Variants in PPP1CB observed in about 807,000 individuals in gnomAD.
PPP1CB encodes protein phosphatase 1 catalytic subunit beta.
A neutral mutation model predicts 43.7 loss-of-function variants in PPP1CB; 2 were observed. That is an observed-to-expected ratio of 0.05 (90% CI 0.02 to 0.14). The LOEUF is 0.14. Among genes scored for constraint, PPP1CB ranks in the 10% least tolerant of loss-of-function variants. The probability of loss-of-function intolerance (pLI) is 1.00; values close to 1 mark genes in which losing one functional copy is unlikely to be tolerated. For missense variants in PPP1CB, 84 were observed against 398.0 expected (o/e 0.21, Z 6.71); for synonymous variants, 136 against 135.6 (o/e 1.00, Z -0.02).
intron 1 of PPP1CB, among the ~76,000 whole-genome samples, chr2:28,752,646 A>G (rs1011929803): frequency 2.0e-5 from 3 of 152,018 alleles, no homozygotes; most frequent in South Asian, 2.1e-4. Flanking sequence ...AATTTTACGT[A>G]TATATATATA....
rs1667584240 is a variant in PPP1CB at position 28,800,227 on chromosome 2, T to TTTTTTTTTTTTTTTTTTTTTTTC, written c.*946_*947insCTTTTTTTTTTTTTTTTTTTTTT. On this transcript the variant is annotated 3_prime_UTR_variant, in exon 8 of 8. Transcript: ENST00000395366. ...TGGTTTTCTTTTTCTTTTTTCTTTCTTTTTTTTTTTTTTTTTTTTTTTGAG... is the reference window on the plus strand; with the variant it reads ...TGGTTTTCTTTTTCTTTTTTCTTTCTTTTTTTTTTTTTTTTTTTTTTTCTTTTTTTTTTTTTTTTTTTTTTGAG... The TTTTTTTTTTTTTTTTTTTTTTTC allele has an allele frequency of 2.9e-4, 1 of 3,464 alleles. No homozygotes were observed. The highest frequency in any genetic ancestry group is 7.2e-4 in the African/African-American group (1 of 1,388). The allele number at this position is 3,464 out of a possible 1,614,324, so 0.2% of individuals were successfully genotyped here.
rs142135400 is a variant in PPP1CB at position 28,759,239 on chromosome 2, C to T, written c.52+7063C>T. On this transcript the variant is annotated intron_variant, in intron 1 of 7. Coordinates refer to ENST00000395366, the MANE Select transcript of PPP1CB (RefSeq NM_002709.3). ...AGTTGTGTAAAAGTACAACAGGCCA[C>T]GCGTGGTGGCTCATGCCTGTAGTCC... 1.4e-3 allele frequency among the ~76,000 whole-genome samples: 218 copies of T among 152,220 alleles called. 1 individual carries two copies. In the East Asian group the frequency reaches 0.037, roughly 26 times the overall value.
In PPP1CB at chr2:28,755,168, G is replaced by C. The variant is rs975848297; in HGVS notation, c.52+2992G>C. On this transcript the variant is annotated intron_variant, in intron 1 of 7. Transcript: ENST00000395366. ...AGGTCCAAGCGATTATTCTGCCTCA[G>C]CTTCCCAAGTAGCTGGGACTACAGC... 5.3e-5 allele frequency among the ~76,000 whole-genome samples: 8 copies of C among 152,110 alleles called. No homozygotes were observed. In the East Asian group the frequency reaches 1.3e-3, roughly 26 times the overall value.
Position 28,771,827 on chromosome 2 carries a change from A to G in PPP1CB, c.53-5024A>G, listed in dbSNP as rs369617363. 7.9e-5 allele frequency among the ~76,000 whole-genome samples: 12 copies of G among 152,332 alleles called. No homozygotes were observed. In the South Asian group the frequency reaches 2.5e-3, roughly 32 times the overall value. The stretch of plus-strand genomic sequence containing the variant: ...AGAAGGCAAGAATTTCTTGAATAAG[A>G]TGCAAAAGGCCTTAACCAAAAAAAG... On this transcript the variant is annotated intron_variant, in intron 1 of 7. Coordinates refer to ENST00000395366, the MANE Select transcript of PPP1CB (RefSeq NM_002709.3).
chr2:28,755,203 C>T (rs775106871), intron 1 of PPP1CB, among the ~76,000 whole-genome samples: 6 of 152,086 alleles, frequency 3.9e-5, no homozygotes, highest in East Asian at 3.9e-4. Flanking sequence ...CATGCCACCA[C>T]GCCCCGGCTA....
chr2:28,793,145 T>C (rs1340774369), intron 6 of PPP1CB, among the ~76,000 whole-genome samples: 2 of 151,958 alleles, frequency 1.3e-5, no homozygotes, highest in African/African-American at 4.8e-5. Context: ...GCAGAGGTTG[T>C]AGTGAGCCGA....
chr2:28,784,046 G>A, intron 5 of PPP1CB, 68 bp downstream of exon 5: 1 of 1,213,468 alleles, frequency 8.2e-7, no homozygotes, highest in South Asian at 1.3e-5. Context: ...ATTACATTTA[G>A]TGGAAGTAGG....
intron 7 of PPP1CB, among the ~76,000 whole-genome samples, chr2:28,796,572 G>C (rs1667501776): frequency 6.6e-6 from 1 of 152,196 alleles, no homozygotes; most frequent in East Asian, 1.9e-4. Flanking sequence ...TTGGCTCTCA[G>C]CTTGGATGTT....
chr2:28,756,801 TG>T (rs1283300532), intron 1 of PPP1CB, among the ~76,000 whole-genome samples: 1 of 12,976 alleles, frequency 7.7e-5, no homozygotes, highest in Non-Finnish European at 2.1e-4. Context: ...AGTGTCCTTT[TG>T]AAGGTTAAAA....
chr2:28,756,768 G>A (rs1558295458), intron 1 of PPP1CB, among the ~76,000 whole-genome samples: 1 of 151,868 alleles, frequency 6.6e-6, no homozygotes, highest in Non-Finnish European at 1.5e-5. Context: ...GATTACAGGT[G>A]CGAGGTGCTG....
At chr2:28,785,065 CTTTTTTTTTTTTTTTTTTTTT>C (rs769650329) in intron 5 of PPP1CB, among the ~76,000 whole-genome samples, 1 of 55,000 alleles carries the variant, frequency 1.8e-5, no homozygotes, top group Non-Finnish European at 3.5e-5. Context: ...GTGTTAGGAG[CTTTTTTTTTTTTTTTTTTTTT>C]TTTTTTTGAG....
At chr2:28,771,463 T>A (rs1480888832) in intron 1 of PPP1CB, among the ~76,000 whole-genome samples, 1 of 152,204 alleles carries the variant, frequency 6.6e-6, no homozygotes, top group Admixed American at 6.5e-5. Flanking sequence ...TTGGGATGTT[T>A]ATATTACTAG....
At chr2:28,769,343 T>G (rs551838417) in intron 1 of PPP1CB, among the ~76,000 whole-genome samples, 20 of 152,302 alleles carry the variant, frequency 1.3e-4, no homozygotes, top group Non-Finnish European at 2.5e-4. Context: ...TTCAAGCGAT[T>G]CTCCTGCTTC....
chr2:28,774,435 T>C (rs1172350702), intron 1 of PPP1CB, among the ~76,000 whole-genome samples: 5 of 152,050 alleles, frequency 3.3e-5, no homozygotes, highest in Non-Finnish European at 1.5e-5. Flanking sequence ...GGCGAATACT[T>C]TTTTTTTGAG....
At chr2:28,770,822 A>G (rs1666891844) in intron 1 of PPP1CB, among the ~76,000 whole-genome samples, 5 of 152,186 alleles carry the variant, frequency 3.3e-5, no homozygotes, top group Admixed American at 2.6e-4. Flanking sequence ...AATATACCAT[A>G]TGCTATACCA....
At chr2:28,751,608 C>G (rs935434259), upstream of PPP1CB, 1 of 164,488 alleles carries the variant, frequency 6.1e-6, no homozygotes, top group Non-Finnish European at 1.3e-5. Flanking sequence ...CGTGGCGAGA[C>G]TCGGCGCCGT....
chr2:28,778,077 A>G (rs1446952215), intron 2 of PPP1CB, among the ~76,000 whole-genome samples: 1 of 152,236 alleles, frequency 6.6e-6, no homozygotes, highest in Non-Finnish European at 1.5e-5. Flanking sequence ...GTAGTTACTT[A>G]GAGGTGATCT....
At position 28,751,886 on chromosome 2, in the gene PPP1CB, T is replaced by G; in HGVS notation, c.-239T>G. The G allele has an allele frequency of 1.7e-6, 1 of 576,690 alleles. No homozygotes were observed. Among genetic ancestry groups the G allele is most frequent in the Non-Finnish European group, 3.2e-6 (1 of 316,010 alleles). 35.7% of individuals were successfully genotyped at this position (576,690 alleles called of 1,614,324 possible). ...TGGCGGCCTGGGTCTGACGCGGCCC[T>G]GTTCGAGGGGGCCTCTCTTGTTTAT... is the stretch of plus-strand genomic sequence containing the variant. On this transcript the variant is annotated 5_prime_UTR_variant, in exon 1 of 8. Coordinates refer to ENST00000395366, the MANE Select transcript of PPP1CB (RefSeq NM_002709.3).
chr2:28,781,496 C>T (rs1318384546), intron 3 of PPP1CB, among the ~76,000 whole-genome samples: 2 of 152,204 alleles, frequency 1.3e-5, no homozygotes, highest in East Asian at 3.9e-4. Flanking sequence ...CCCATCCCAC[C>T]CCTACCCCCA....
Sources: gnomAD v4.1 joint callset for allele counts (sites outside exome capture counted in the v4.1 genomes callset) on GRCh38, gnomAD v4.1.1 for gene constraint, MANE v1.5 for transcripts, NCBI Gene and HGNC (gene_info 2026-07-23, HGNC 2026-07-21) for gene names.